The following SMIM35 variants were observed in gnomAD, a reference collection of about 807,000 sequenced individuals.
SMIM35 encodes the protein small integral membrane protein 35.
chr11:118,036,480 T>C (rs2058360282), intron 1 of SMIM35, among the ~76,000 whole-genome samples: 1 of 152,272 alleles, frequency 6.6e-6, no homozygotes, highest in Non-Finnish European at 1.5e-5. Context: ...ACTATTTAAC[T>C]GAATTTAAGG....
At chr11:118,034,445 C>A (rs2058342806) in intron 1 of SMIM35, among the ~76,000 whole-genome samples, 1 of 151,402 alleles carries the variant, frequency 6.6e-6, no homozygotes, top group Non-Finnish European at 1.5e-5. Context: ...TTAGGGGGCT[C>A]AGCCCAGTGG....
intron 1 of SMIM35, among the ~76,000 whole-genome samples, chr11:118,086,015 C>G (rs1945528778): frequency 6.6e-6 from 1 of 152,230 alleles, no homozygotes; most frequent in Non-Finnish European, 1.5e-5. Context: ...AGCAGCATCA[C>G]CTGGAAGCAG....
At chr11:118,051,630 G>A (rs927544597) in intron 1 of SMIM35, among the ~76,000 whole-genome samples, 6 of 152,100 alleles carry the variant, frequency 3.9e-5, no homozygotes, top group African/African-American at 4.8e-5. Context: ...AGGGGGTAAC[G>A]GTGAGAACTC....
rs1435250244 is a variant in SMIM35 at position 118,005,277 on chromosome 11, A to G, written c.*1133T>C. ...AAACAACTTATAGCGACCACATTGC[A>G]GGTGATTCCAGCACACACTGAGTCA... On this transcript the variant is annotated 3_prime_UTR_variant, in exon 5 of 5. Transcript: ENST00000689828. 2.0e-5 allele frequency: 3 copies of G among 152,220 alleles called. No homozygotes were observed. Among genetic ancestry groups the G allele is most frequent in the Admixed American group, 6.5e-5 (1 of 15,284 alleles). The allele number at this position is 152,220 out of a possible 1,614,324, so 9.4% of individuals were successfully genotyped here. A position where few individuals can be genotyped will look rare whatever the true frequency, so the allele number is the denominator to read the frequency against.
At chr11:118,019,428 G>A (rs2058208085) in intron 1 of SMIM35, among the ~76,000 whole-genome samples, 1 of 152,160 alleles carries the variant, frequency 6.6e-6, no homozygotes, top group Non-Finnish European at 1.5e-5. Context: ...AAATTGAGGA[G>A]TCAGAATTTA....
At chr11:118,083,461 G>A (rs1565409059) in intron 1 of SMIM35, among the ~76,000 whole-genome samples, 2 of 152,066 alleles carry the variant, frequency 1.3e-5, no homozygotes, top group Non-Finnish European at 2.9e-5. Flanking sequence ...CCAAGCCCCG[G>A]GGCCCATGAA....
intron 1 of SMIM35, chr11:118,025,676 T>C (rs1175242540): frequency 8.9e-6 from 4 of 447,414 alleles, no homozygotes; most frequent in South Asian, 1.6e-5. Flanking sequence ...AAGTTCCTTA[T>C]AGATTCTAGA....
chr11:118,028,056 C>T (rs2058288797), intron 1 of SMIM35, among the ~76,000 whole-genome samples: 1 of 152,250 alleles, frequency 6.6e-6, no homozygotes. Flanking sequence ...CCCTTTTCCT[C>T]CCTGCTTCGC....
intron 1 of SMIM35, among the ~76,000 whole-genome samples, chr11:118,079,150 T>G (rs1457979154): frequency 6.6e-6 from 1 of 151,936 alleles, no homozygotes; most frequent in Non-Finnish European, 1.5e-5. Flanking sequence ...CACGGTGTGG[T>G]CAAGGAAGTT....
chr11:118,039,873 C>A (rs901606379), intron 1 of SMIM35, among the ~76,000 whole-genome samples: 20 of 151,406 alleles, frequency 1.3e-4, no homozygotes, highest in African/African-American at 4.4e-4. Flanking sequence ...GGTGAAGCCC[C>A]GTCTCTACTA....
chr11:118,061,397 G>A (rs1591305613), intron 1 of SMIM35, among the ~76,000 whole-genome samples: 2 of 152,184 alleles, frequency 1.3e-5, no homozygotes, highest in Admixed American at 6.5e-5. Flanking sequence ...TCAATAAGTG[G>A]CATTTCTAGC....
chr11:118,021,965 A>C (rs2058234134), intron 1 of SMIM35, among the ~76,000 whole-genome samples: 1 of 151,800 alleles, frequency 6.6e-6, no homozygotes, highest in African/African-American at 2.4e-5. Context: ...GGGAATACAC[A>C]TTGTTCTCAA....
intron 1 of SMIM35, among the ~76,000 whole-genome samples, chr11:118,026,374 G>A (rs2058273885): frequency 6.6e-6 from 1 of 152,098 alleles, no homozygotes; most frequent in South Asian, 2.1e-4. Flanking sequence ...CAATCTTCAG[G>A]CACAGCCACA....
chr11:118,079,275 CCACACCCAGG>C (rs1299785385), intron 1 of SMIM35, among the ~76,000 whole-genome samples: 2 of 152,122 alleles, frequency 1.3e-5, no homozygotes, highest in Non-Finnish European at 2.9e-5. Flanking sequence ...GATGGGATCT[CCACACCCAGG>C]CTCAGCCCTC....
intron 1 of SMIM35, among the ~76,000 whole-genome samples, chr11:118,034,750 A>G (rs1230891773): frequency 6.6e-6 from 1 of 152,180 alleles, no homozygotes; most frequent in East Asian, 1.9e-4. Flanking sequence ...GGGTGAAAGT[A>G]GGAGGGAAAT....
intron 1 of SMIM35, among the ~76,000 whole-genome samples, chr11:118,058,550 C>G (rs1452776562): frequency 6.6e-6 from 1 of 152,146 alleles, no homozygotes; most frequent in Non-Finnish European, 1.5e-5. Context: ...GTGCCTGGGA[C>G]CAGGCTTGGA....
intron 1 of SMIM35, among the ~76,000 whole-genome samples, chr11:118,068,845 G>T (rs1182168923): frequency 6.6e-6 from 1 of 152,192 alleles, no homozygotes; most frequent in East Asian, 1.9e-4. Context: ...TCCAGGAGCC[G>T]TGGTCTCTCC....
At position 118,006,348 on chromosome 11, in the gene SMIM35, A is replaced by G. The variant is rs1429793145; in HGVS notation, c.*62T>C. The stretch of plus-strand genomic sequence containing the variant: ...TCTGTTCTCTCCACATGAAACTGTC[A>G]TGTCAGTTCTGGGCCTCAGTCTTCT... On this transcript the variant is annotated 3_prime_UTR_variant, in exon 5 of 5. Transcript: ENST00000689828. 6.6e-6 allele frequency: 1 copy of G among 152,216 alleles called. No individual in the cohort carries two copies. 9.4% of individuals were successfully genotyped at this position (152,216 alleles called of 1,614,324 possible). A position where few individuals can be genotyped will look rare whatever the true frequency, so the allele number is the denominator to read the frequency against.
intron 1 of SMIM35, among the ~76,000 whole-genome samples, chr11:118,056,350 T>A (rs1036949782): frequency 6.6e-6 from 1 of 152,028 alleles, no homozygotes; most frequent in African/African-American, 2.4e-5. Flanking sequence ...TCAGCAGAAC[T>A]GGGGATCAAT....
Sources: gnomAD v4.1 joint callset for allele counts (sites outside exome capture counted in the v4.1 genomes callset) on GRCh38, gnomAD v4.1.1 for gene constraint, MANE v1.5 for transcripts, NCBI Gene and HGNC (gene_info 2026-07-23, HGNC 2026-07-21) for gene names.